The following FGFR2 variants were observed in gnomAD, a reference collection of about 807,000 sequenced individuals.
FGFR2 encodes BEK fibroblast growth factor receptor.
Under a neutral mutation model 95.9 loss-of-function variants are expected in FGFR2, and 19 were observed. That is an observed-to-expected ratio of 0.20 (90% CI 0.14 to 0.29). The LOEUF is 0.29. Ranked by LOEUF, FGFR2 falls within the 10% of genes least tolerant of loss-of-function variation. The pLI, the probability that FGFR2 is intolerant of heterozygous loss-of-function variation, is 1.00. For missense variants in FGFR2, 707 were observed against 1,056.9 expected (o/e 0.67, Z 4.59); for synonymous variants, 392 against 393.3 (o/e 1.00, Z 0.04).
At chr10:121,546,535 G>T (rs1480612256) in intron 5 of FGFR2, among the ~76,000 whole-genome samples, 1 of 152,162 alleles carries the variant, frequency 6.6e-6, no homozygotes, top group Admixed American at 6.5e-5. Context: ...GCTCAGCATG[G>T]GTTCTTTGAT....
At position 121,479,875 on chromosome 10, in the gene FGFR2, G is replaced by A. The variant is rs774232306; in HGVS notation, c.2448C>T (p.Asn816=). The A allele has an allele frequency of 1.2e-5, 20 of 1,614,148 alleles. No individual in the cohort carries two copies. The highest frequency in any genetic ancestry group is 1.6e-5 in the Non-Finnish European group (19 of 1,180,028). The change falls in exon 18 of 18, where the codon AAC becomes AAT. Residue 816 remains asparagine (N), a synonymous_variant. Coordinates refer to ENST00000358487, the MANE Select transcript of FGFR2 (RefSeq NM_000141.5). ...EPCLPQYPHI[N]GSVKT ...CAGTCATTCATGTTTTAACACTGCC[G>A]TTTATGTGTGGATACTGAGGAAGGC...
chr10:121,590,276 C>T (rs954128351), intron 2 of FGFR2, among the ~76,000 whole-genome samples: 1 of 152,082 alleles, frequency 6.6e-6, no homozygotes, highest in Admixed American at 6.5e-5. Flanking sequence ...AACAAAGATG[C>T]CATTAATGTC....
chr10:121,479,331 A>G lies in FGFR2; in HGVS notation c.*526T>C, dbSNP rs1422981320. 3.7e-6 allele frequency: 1 copy of G among 273,678 alleles called. No homozygotes were observed. The highest frequency in any genetic ancestry group is 6.8e-6 in the Non-Finnish European group (1 of 147,836). The allele number at this position is 273,678 out of a possible 1,614,324, so 17.0% of individuals were successfully genotyped here. On this transcript the variant is annotated 3_prime_UTR_variant, in exon 18 of 18. Coordinates refer to ENST00000358487, the MANE Select transcript of FGFR2 (RefSeq NM_000141.5). ...AAATTAAGAAATTATGTGTAAGAAC[A>G]GCATTTAGCAAATAGCTATTAAAAA... is the stretch of plus-strand genomic sequence containing the variant.
At chr10:121,557,857 C>T (rs1175505272) in intron 4 of FGFR2, among the ~76,000 whole-genome samples, 1 of 152,156 alleles carries the variant, frequency 6.6e-6, no homozygotes, top group East Asian at 1.9e-4. Flanking sequence ...CTCAGGCTAA[C>T]TACCTTCATT....
In FGFR2 at chr10:121,487,299, C is replaced by A. The variant is rs1046214003; in HGVS notation, c.2057+55G>T. 3 of 1,358,066 alleles carry A rather than the reference C, an allele frequency of 2.2e-6. No homozygotes were observed. The African/African-American group carries it at 4.3e-5, about 19-fold the overall frequency. The allele number at this position is 1,358,066 out of a possible 1,614,324, so 84.1% of individuals were successfully genotyped here. Reference sequence around the variant, plus strand: ...AGAAGGAAGAAAGGTGAAGTACGTACAGTATTTTTGCAGCTCAAGCCCAGG... The same window carrying A: ...AGAAGGAAGAAAGGTGAAGTACGTAAAGTATTTTTGCAGCTCAAGCCCAGG... On this transcript the variant is annotated intron_variant, in intron 15 of 17. Transcript: ENST00000358487.
intron 10 of FGFR2, among the ~76,000 whole-genome samples, chr10:121,502,255 C>T (rs1013589062): frequency 1.3e-5 from 2 of 152,146 alleles, no homozygotes; most frequent in African/African-American, 4.8e-5. Flanking sequence ...CTAGGGCTGG[C>T]GGAGTTCACA....
intron 11 of FGFR2, 70 bp from the exon 12 acceptor site, chr10:121,498,675 C>T (rs1205168804): frequency 7.8e-6 from 10 of 1,290,142 alleles, no homozygotes; most frequent in Non-Finnish European, 1.1e-5. Flanking sequence ...TGTTAGTTGC[C>T]AAAGACTTAG....
At chr10:121,501,922 TC>T (rs1175141698) in intron 10 of FGFR2, among the ~76,000 whole-genome samples, 8 of 152,250 alleles carry the variant, frequency 5.3e-5, no homozygotes, top group African/African-American at 1.9e-4. Context: ...AACAATCCTT[TC>T]TTTGTATAAC....
intron 16 of FGFR2, among the ~76,000 whole-genome samples, 154 bp from the exon 17 acceptor site, chr10:121,483,957 CA>C (rs1275249694): frequency 6.6e-6 from 1 of 151,948 alleles, no homozygotes; most frequent in Non-Finnish European, 1.5e-5. Flanking sequence ...ATCACTTTCC[CA>C]AAAGCTTCCC....
intron 2 of FGFR2, among the ~76,000 whole-genome samples, chr10:121,574,716 A>G (rs1425305413): frequency 6.6e-6 from 1 of 152,154 alleles, no homozygotes; most frequent in African/African-American, 2.4e-5. Context: ...CAAGAAGACC[A>G]AATTCCTCAC....
At chr10:121,529,892 A>G (rs952342976) in intron 6 of FGFR2, among the ~76,000 whole-genome samples, 14 of 152,176 alleles carry the variant, frequency 9.2e-5, no homozygotes, top group African/African-American at 3.4e-4. Context: ...TAACCACTGC[A>G]ACTCAGCAAA....
At chr10:121,483,837 T>C (rs1324644511) in intron 16 of FGFR2, 34 bp from the exon 17 acceptor site, 2 of 1,503,376 alleles carry the variant, frequency 1.3e-6, no homozygotes, top group East Asian at 4.5e-5. Context: ...ATTAATTTCA[T>C]ATGCACTGGG....
chr10:121,531,972 GACCCATT>G lies in FGFR2; in HGVS notation c.748+6613_748+6619del, dbSNP rs532515596. ...GCCCACTTAGAAAGGCTGTCGCTGTGACCCATTACCTGGCACGCCACCCCAATCCCTT... is the reference window on the plus strand; with the variant it reads ...GCCCACTTAGAAAGGCTGTCGCTGTGACCTGGCACGCCACCCCAATCCCTT... On this transcript the variant is annotated intron_variant, in intron 6 of 17. Transcript: ENST00000358487. This position sits in a 1 kb window ranked among gnomAD's most constrained non-coding sequence, Gnocchi z 4.5. 1.9e-3 allele frequency among the ~76,000 whole-genome samples: 286 copies of G among 152,304 alleles called. 2 individuals are homozygous for G. The highest frequency in any genetic ancestry group is 6.4e-3 in the African/African-American group (266 of 41,566).
chr10:121,515,424 A>C, intron 8 of FGFR2, 105 bp from the exon 9 acceptor site: 1 of 1,160,182 alleles, frequency 8.6e-7, no homozygotes, highest in South Asian at 1.2e-5. Context: ...GGCGACGACC[A>C]TTCTCAAGGC....
At position 121,485,323 on chromosome 10, in the gene FGFR2, G is replaced by A. The variant is rs1209202589; in HGVS notation, c.2195+72C>T. The A allele has an allele frequency of 5.6e-6, 9 of 1,598,500 alleles. No homozygotes were observed. The highest frequency in any genetic ancestry group is 1.1e-5 in the South Asian group (1 of 90,548). ...GGAAACCAGGGGCCTTCAAAAACGAGATACATCAGGAGAGGTATTACTGGT... is the reference window on the plus strand; with the variant it reads ...GGAAACCAGGGGCCTTCAAAAACGAAATACATCAGGAGAGGTATTACTGGT... On this transcript the variant is annotated intron_variant, in intron 16 of 17. Coordinates refer to ENST00000358487, the MANE Select transcript of FGFR2 (RefSeq NM_000141.5). The surrounding 1 kb of genome is among the most constrained non-coding windows in gnomAD (Gnocchi z 4.2).
At position 121,565,568 on chromosome 10, in the gene FGFR2, G is replaced by T. The variant is rs1378298459; in HGVS notation, c.246C>A (p.Asn82Lys). 4.3e-6 allele frequency: 7 copies of T among 1,614,082 alleles called. No homozygotes were observed. The highest frequency in any genetic ancestry group is 1.3e-5 in the African/African-American group (1 of 74,936). ...WTKDGVHLGP[N>K]NRTVLIGEYL... ...ACTCCCCAATAAGCACTGTCCTATT[G>T]TTGGGCCCCAAGTGCACCCCATCCT... Residue 82 changes from asparagine (N) to lysine (K), a missense_variant, in exon 3 of 18, where the codon AAC becomes AAA. By Grantham distance (94) the Asn-to-Lys change is moderately conservative. Transcript: ENST00000358487.
At position 121,577,202 on chromosome 10, in the gene FGFR2, G is replaced by GAGAGAGAGAGAGAGAA. The variant is rs1290026073; in HGVS notation, c.110-11499_110-11498insTTCTCTCTCTCTCTCT. ...ATAGAGAGAGAGAGAGAGAGAGAGA[G>GAGAGAGAGAGAGAGAA]AGAGACACCAAACAGACCTGTCACT... On this transcript the variant is annotated intron_variant, in intron 2 of 17. Coordinates refer to ENST00000358487, the MANE Select transcript of FGFR2 (RefSeq NM_000141.5). Among the ~76,000 whole-genome samples, 5 of 120,980 alleles carry GAGAGAGAGAGAGAGAA rather than the reference G, an allele frequency of 4.1e-5. 1 individual carries two copies. The highest frequency in any genetic ancestry group is 1.7e-4 in the African/African-American group (5 of 30,050). The allele number at this position is 120,980 out of a possible 152,430, so 79.4% of individuals were successfully genotyped here. A position where few individuals can be genotyped will look rare whatever the true frequency, so the allele number is the denominator to read the frequency against.
chr10:121,484,618 G>A (rs1845172100), intron 16 of FGFR2, among the ~76,000 whole-genome samples: 1 of 152,152 alleles, frequency 6.6e-6, no homozygotes, highest in African/African-American at 2.4e-5. Context: ...TAATCCTGGA[G>A]GGGTTGAGGC....
chr10:121,597,510 G>A (rs1057050091), intron 1 of FGFR2, among the ~76,000 whole-genome samples: 1 of 152,168 alleles, frequency 6.6e-6, no homozygotes, highest in Non-Finnish European at 1.5e-5. Context: ...GCCCCCTCCC[G>A]AAAAAGGGGT....
Sources: allele counts gnomAD v4.1 joint callset (sites outside exome capture counted in the v4.1 genomes callset), GRCh38; gene constraint gnomAD v4.1.1; non-coding constraint Gnocchi (gnomAD v3.1); transcripts MANE v1.5; gene names NCBI Gene and HGNC (gene_info 2026-07-23, HGNC 2026-07-21).